The following DHRSX variants were observed in gnomAD, a reference collection of about 807,000 sequenced individuals.
The protein encoded by DHRSX is polyprenol dehydrogenase.
A neutral mutation model predicts 34.0 loss-of-function variants in DHRSX; 31 were observed. The observed-to-expected ratio is 0.91, with a 90% CI of 0.69 to 1.23. The LOEUF (loss-of-function observed/expected upper bound fraction) is 1.23. Among genes scored for constraint, DHRSX ranks in the 50% most tolerant of loss-of-function variants. The pLI, the probability that DHRSX is intolerant of heterozygous loss-of-function variation, is 0.00. For missense variants in DHRSX, 414 were observed against 428.1 expected, an observed-to-expected ratio of 0.97 and a Z score of 0.29; for synonymous variants, 201 against 183.8, an observed-to-expected ratio of 1.09 and a Z score of -0.76.
At chrX:2,325,748 G>A (rs182636768) in intron 3 of DHRSX, among the ~76,000 whole-genome samples, 4,223 of 152,290 alleles carry the variant, frequency 0.028, 58 homozygotes, top group South Asian at 0.043. Flanking sequence ...CTATGTAAAT[G>A]AGACACCGCC....
At chrX:2,466,362 C>T (rs1181887473) in intron 1 of DHRSX, among the ~76,000 whole-genome samples, 1 of 152,074 alleles carries the variant, frequency 6.6e-6, no homozygotes, top group Non-Finnish European at 1.5e-5. Context: ...CACTTGAACC[C>T]AGGAACAGGA....
intron 3 of DHRSX, among the ~76,000 whole-genome samples, chrX:2,355,081 TATCTCA>T (rs1285754999): frequency 1.3e-5 from 2 of 152,172 alleles, no homozygotes; most frequent in Non-Finnish European, 2.9e-5. Flanking sequence ...AATCCTTCAC[TATCTCA>T]ATTATAGCAA....
intron 3 of DHRSX, among the ~76,000 whole-genome samples, chrX:2,310,511 G>A (rs1468226474): frequency 4.6e-5 from 7 of 151,414 alleles, no homozygotes; most frequent in East Asian, 1.9e-4. Flanking sequence ...TGTGAAAGAC[G>A]CTGCAGCGAG....
chrX:2,222,752 T>C (rs67929158), intron 6 of DHRSX, among the ~76,000 whole-genome samples: 9,239 of 152,148 alleles, frequency 0.061, 743 homozygotes, highest in African/African-American at 0.18. Context: ...AGGAAAAGGG[T>C]GGACTCTGTG....
intron 2 of DHRSX, among the ~76,000 whole-genome samples, chrX:2,410,360 T>C (rs184313689): frequency 6.6e-6 from 1 of 152,234 alleles, no homozygotes; most frequent in Admixed American, 6.5e-5. Context: ...CAAGAACGTC[T>C]TGGGTGCCCG....
chrX:2,357,072 C>G (rs1041744925), intron 3 of DHRSX, among the ~76,000 whole-genome samples: 4 of 151,984 alleles, frequency 2.6e-5, no homozygotes, highest in African/African-American at 9.7e-5. Context: ...GGTAAAACCC[C>G]GTCTCTACTG....
At chrX:2,434,885 T>C in intron 1 of DHRSX, among the ~76,000 whole-genome samples, 1 of 152,208 alleles carries the variant, frequency 6.6e-6, no homozygotes, top group East Asian at 1.9e-4. Flanking sequence ...AACATCTTAT[T>C]GTTCTTAGCA....
At chrX:2,292,889 C>G (rs1269028873) in intron 3 of DHRSX, among the ~76,000 whole-genome samples, 2 of 152,170 alleles carry the variant, frequency 1.3e-5, no homozygotes, top group African/African-American at 4.8e-5. Flanking sequence ...CACAAAATGA[C>G]TCAGAAGCAA....
intron 1 of DHRSX, among the ~76,000 whole-genome samples, chrX:2,498,596 C>A (rs779515772): frequency 6.8e-6 from 1 of 147,896 alleles, no homozygotes; most frequent in East Asian, 2.0e-4. Context: ...TCTTTAACAA[C>A]CTTCTGTTGT....
intron 1 of DHRSX, among the ~76,000 whole-genome samples, chrX:2,484,843 C>T (rs5983096): frequency 0.58 from 87,310 of 151,530 alleles, 25,871 homozygotes; most frequent in African/African-American, 0.7. Context: ...GCGCCAGGAA[C>T]CCGGTCTCTG....
chrX:2,403,046 C>T (rs1218434000), intron 3 of DHRSX, among the ~76,000 whole-genome samples: 1 of 152,016 alleles, frequency 6.6e-6, no homozygotes, highest in Non-Finnish European at 1.5e-5. Flanking sequence ...CCACGCCCGG[C>T]TAATTTTTGT....
At chrX:2,354,128 G>A (rs1287976931) in intron 3 of DHRSX, among the ~76,000 whole-genome samples, 2 of 152,122 alleles carry the variant, frequency 1.3e-5, no homozygotes, top group Non-Finnish European at 2.9e-5. Context: ...TCTCCTGGTG[G>A]CCATTCCCAC....
chrX:2,437,050 T>G (rs1342732668), intron 1 of DHRSX, among the ~76,000 whole-genome samples: 1 of 152,008 alleles, frequency 6.6e-6, no homozygotes, highest in Non-Finnish European at 1.5e-5. Context: ...CAGGCTGGAG[T>G]GCAGTGGTGC....
chrX:2,343,226 A>C (rs188881310), intron 3 of DHRSX, among the ~76,000 whole-genome samples: 139 of 152,300 alleles, frequency 9.1e-4, no homozygotes, highest in African/African-American at 3.2e-3. Context: ...AAATGTGCTT[A>C]GTCTATAAGA....
chrX:2,440,781 T>C (rs1306515291), intron 1 of DHRSX, among the ~76,000 whole-genome samples: 3 of 152,126 alleles, frequency 2.0e-5, no homozygotes, highest in Non-Finnish European at 2.9e-5. Context: ...TTGGACTGGC[T>C]TCCTGGCTCC....
At chrX:2,360,981 G>C (rs1298639492) in intron 3 of DHRSX, among the ~76,000 whole-genome samples, 1 of 152,148 alleles carries the variant, frequency 6.6e-6, no homozygotes, top group African/African-American at 2.4e-5. Context: ...CCCTCTTTGT[G>C]TGTTTAGTGA....
Position 2,476,270 on chromosome X carries a change from T to C in DHRSX, c.109+24547A>G, listed in dbSNP as rs189797201. 9.2e-5 allele frequency among the ~76,000 whole-genome samples: 14 copies of C among 152,062 alleles called. No homozygotes were observed. The East Asian group carries it at 2.7e-3, about 29-fold the overall frequency. ...AAAATTAGCCAGGCATGGTGGCAGA[T>C]GCCTGTAATCCCAGCTACTCCAGAG... On this transcript the variant is annotated intron_variant, in intron 1 of 6. Coordinates refer to ENST00000334651, the MANE Select transcript of DHRSX (RefSeq NM_145177.3).
At chrX:2,317,237 C>T (rs750129736) in intron 3 of DHRSX, among the ~76,000 whole-genome samples, 337 of 143,504 alleles carry the variant, frequency 2.3e-3, no homozygotes, top group African/African-American at 8.5e-3. Flanking sequence ...GGATTACAGG[C>T]GTGAGCCACC....
chrX:2,430,293 T>C (rs1029097011), intron 1 of DHRSX, among the ~76,000 whole-genome samples: 1 of 147,966 alleles, frequency 6.8e-6, no homozygotes, highest in Admixed American at 6.7e-5. Context: ...GATTGCAGAA[T>C]GGACCCTTGC....
Sources: allele counts gnomAD v4.1 joint callset (sites outside exome capture counted in the v4.1 genomes callset), GRCh38; gene constraint gnomAD v4.1.1; transcripts MANE v1.5; gene names NCBI Gene and HGNC (gene_info 2026-07-23, HGNC 2026-07-21).